ADARB2: variants seen among roughly 807,000 people sequenced by gnomAD.
The protein encoded by ADARB2 is adenosine deaminase RNA specific B2 (inactive).
In ADARB2, 25 loss-of-function variants were observed where a neutral mutation model predicts 62.2. The ratio of observed to expected loss-of-function variants is 0.40; its 90% CI spans 0.29 to 0.56. The LOEUF is 0.56. Among genes scored for constraint, ADARB2 ranks in the 20% least tolerant of loss-of-function variants. The probability of loss-of-function intolerance (pLI) is 0.43; values close to 1 mark genes in which losing one functional copy is unlikely to be tolerated. For missense variants in ADARB2, 1,071 were observed against 1,077.4 expected (o/e 0.99, Z 0.08); for synonymous variants, 572 against 500.8 (o/e 1.14, Z -1.90).
At chr10:1,548,733 G>T (rs975247960) in intron 1 of ADARB2, among the ~76,000 whole-genome samples, 1 of 152,192 alleles carries the variant, frequency 6.6e-6, no homozygotes, top group Non-Finnish European at 1.5e-5. Flanking sequence ...AACAGGAAGA[G>T]AAAAAGCTGA....
chr10:1,328,215 G>T (rs1831894747), intron 3 of ADARB2, among the ~76,000 whole-genome samples: 1 of 152,338 alleles, frequency 6.6e-6, no homozygotes, highest in Non-Finnish European at 1.5e-5. Context: ...ATGAGCGATT[G>T]TGGCGGCACA....
rs1358348961 is a variant in ADARB2 at position 1,555,562 on chromosome 10, G to A, written c.101-176402C>T. Among the ~76,000 whole-genome samples, 12 of 152,154 alleles carry A rather than the reference G, an allele frequency of 7.9e-5. No individual in the cohort carries two copies. In the East Asian group the frequency reaches 1.9e-3, roughly 24 times the overall value. On this transcript the variant is annotated intron_variant, in intron 1 of 9. Transcript: ENST00000381312. ...GAGTGTGCTCTTGATAAAAATGAAG[G>A]ATGGACCGGGGCTTCATTAAGAAAC...
chr10:1,430,309 T>C (rs1268062160), intron 1 of ADARB2, among the ~76,000 whole-genome samples: 1 of 152,046 alleles, frequency 6.6e-6, no homozygotes, highest in Non-Finnish European at 1.5e-5. Context: ...GCCACAGTAA[T>C]GCAAAAAGGA....
chr10:1,217,451 C>T (rs752809853), intron 6 of ADARB2, among the ~76,000 whole-genome samples: 15 of 152,216 alleles, frequency 9.9e-5, no homozygotes, highest in Middle Eastern at 3.2e-3. Context: ...GGGGCCACCG[C>T]GTCCTCAATG....
At chr10:1,209,344 TGCCCATGC>T (rs1356587373) in intron 7 of ADARB2, among the ~76,000 whole-genome samples, 11 of 116,398 alleles carry the variant, frequency 9.5e-5, no homozygotes, top group Non-Finnish European at 1.5e-4. Flanking sequence ...CCCACACCCA[TGCCCATGC>T]CTACACCGTC....
At chr10:1,308,576 C>T (rs1000887814) in intron 3 of ADARB2, among the ~76,000 whole-genome samples, 7 of 152,194 alleles carry the variant, frequency 4.6e-5, no homozygotes, top group Non-Finnish European at 1.0e-4. Context: ...GAAAATGCCA[C>T]GCTGTCTTCC....
intron 2 of ADARB2, among the ~76,000 whole-genome samples, chr10:1,374,315 A>C (rs1422936749): frequency 6.6e-6 from 1 of 152,174 alleles, no homozygotes; most frequent in Non-Finnish European, 1.5e-5. Flanking sequence ...TGCATGGGAA[A>C]ATGCAAAATG....
chr10:1,643,076 C>T (rs1229972385), intron 1 of ADARB2, among the ~76,000 whole-genome samples: 1 of 152,178 alleles, frequency 6.6e-6, no homozygotes, highest in Non-Finnish European at 1.5e-5. Context: ...CACTTTACAC[C>T]TGGGGAAACT....
chr10:1,474,029 A>G (rs1831364238), intron 1 of ADARB2, among the ~76,000 whole-genome samples: 1 of 152,236 alleles, frequency 6.6e-6, no homozygotes, highest in Non-Finnish European at 1.5e-5. Context: ...GGGGCTGGGT[A>G]GTTTCTAGTG....
chr10:1,351,452 T>C (rs113987134), intron 3 of ADARB2, among the ~76,000 whole-genome samples: 6,028 of 151,284 alleles, frequency 0.04, 136 homozygotes, highest in South Asian at 0.084. Flanking sequence ...ACTTAGACAA[T>C]ACTCTTTTAA....
intron 6 of ADARB2, among the ~76,000 whole-genome samples, chr10:1,232,152 ACAC>A (rs1830809921): frequency 6.6e-6 from 1 of 151,932 alleles, no homozygotes; most frequent in Non-Finnish European, 1.5e-5. Context: ...TACACCACAC[ACAC>A]CACACACATA....
intron 1 of ADARB2, among the ~76,000 whole-genome samples, chr10:1,487,528 C>T (rs952930410): frequency 1.3e-5 from 2 of 152,030 alleles, no homozygotes; most frequent in African/African-American, 4.8e-5. Flanking sequence ...GGGTTGTGGG[C>T]GAAGCTATAG....
At chr10:1,314,311 C>T (rs963039581) in intron 3 of ADARB2, among the ~76,000 whole-genome samples, 2 of 152,118 alleles carry the variant, frequency 1.3e-5, no homozygotes, top group Non-Finnish European at 2.9e-5. Flanking sequence ...CAGCCCTGCC[C>T]ACAGCTGGAC....
intron 1 of ADARB2, among the ~76,000 whole-genome samples, chr10:1,533,586 C>T (rs1255670082): frequency 6.6e-6 from 1 of 152,190 alleles, no homozygotes; most frequent in Admixed American, 6.5e-5. Context: ...GCGATGCCTC[C>T]CAAGGGTGAG....
intron 1 of ADARB2, among the ~76,000 whole-genome samples, chr10:1,439,212 A>G (rs369373793): frequency 0.029 from 1,337 of 45,966 alleles, 1 homozygote; most frequent in African/African-American, 0.062. Flanking sequence ...TCACTATGGG[A>G]CTCCTGAGTC....
At chr10:1,641,849 C>G (rs991595526) in intron 1 of ADARB2, among the ~76,000 whole-genome samples, 22 of 152,234 alleles carry the variant, frequency 1.4e-4, no homozygotes, top group African/African-American at 5.1e-4. Context: ...CCTGTCTCTA[C>G]TAAAAATACA....
intron 6 of ADARB2, among the ~76,000 whole-genome samples, chr10:1,228,101 C>T (rs1021743): frequency 4.4e-4 from 67 of 152,234 alleles, no homozygotes; most frequent in African/African-American, 1.6e-3. Context: ...ATGGGATTTT[C>T]GTTAAATCTC....
At chr10:1,533,217 C>T (rs1024404431) in intron 1 of ADARB2, among the ~76,000 whole-genome samples, 4 of 151,344 alleles carry the variant, frequency 2.6e-5, no homozygotes, top group South Asian at 2.1e-4. Context: ...CTCCCTGGTT[C>T]GAGCGATTCT....
chr10:1,428,443 C>G (rs184265498), intron 1 of ADARB2, among the ~76,000 whole-genome samples: 4 of 152,024 alleles, frequency 2.6e-5, no homozygotes, highest in Non-Finnish European at 5.9e-5. Context: ...CCCATCACCA[C>G]GCCCAGCTAA....
Sources: gnomAD v4.1 joint callset for allele counts (sites outside exome capture counted in the v4.1 genomes callset) on GRCh38, gnomAD v4.1.1 for gene constraint, MANE v1.5 for transcripts, NCBI Gene and HGNC (gene_info 2026-07-23, HGNC 2026-07-21) for gene names.